SVEP1: variants seen among roughly 807,000 people sequenced by gnomAD.
SVEP1 encodes the protein sushi, von Willebrand factor type A, EGF and pentraxin domain-containing protein 1.
A neutral mutation model predicts 367.3 loss-of-function variants in SVEP1; 164 were observed. The ratio of observed to expected loss-of-function variants is 0.45; its 90% confidence interval spans 0.39 to 0.51. The LOEUF (loss-of-function observed/expected upper bound fraction) is 0.51. Among genes scored for constraint, SVEP1 ranks in the 20% least tolerant of loss-of-function variants. The pLI, the probability that SVEP1 is intolerant of heterozygous loss-of-function variation, is 0.00. For synonymous variants in SVEP1, 1,666 were observed against 1,611.6 expected, an observed-to-expected ratio of 1.03 and a Z score of -0.81; for missense variants, 4,117 against 4,425.3, an observed-to-expected ratio of 0.93 and a Z score of 1.98.
chr9:110,366,434 G>T lies in SVEP1; in HGVS notation c.*105C>A. Reference sequence around the variant, plus strand: ...CCCAAGTAACAAGTTTACTAAACAAGACCCAGCACCATGTTGGACTTTCTT... The same window carrying T: ...CCCAAGTAACAAGTTTACTAAACAATACCCAGCACCATGTTGGACTTTCTT... On this transcript the variant is annotated 3_prime_UTR_variant, in exon 48 of 48. Transcript: ENST00000374469. 8.6e-7 allele frequency: 1 copy of T among 1,159,604 alleles called. No homozygotes were observed. Among genetic ancestry groups the T allele is most frequent in the Non-Finnish European group, 1.1e-6 (1 of 871,902 alleles). The allele number at this position is 1,159,604 out of a possible 1,614,324, so 71.8% of individuals were successfully genotyped here.
rs985700063 is a variant in SVEP1 at position 110,370,003 on chromosome 9, A to G, written c.10614T>C (p.Ser3538=). ...GSRCHTAVCQ[S]PCLNGGKCVR... is the part of the protein sequence containing the mutation. ...CACATTTTCCACCATTTAAGCAGGG[A>G]GACTGGCAAACAGCTGGAATAAAAA... Residue 3538 remains serine, a synonymous_variant, in exon 47 of 48, where the codon TCT becomes TCC. Transcript: ENST00000374469. 1.1e-5 allele frequency: 18 copies of G among 1,612,974 alleles called. No homozygotes were observed. Among genetic ancestry groups the G allele is most frequent in the Non-Finnish European group, 1.4e-5 (16 of 1,179,438 alleles).
At position 110,451,343 on chromosome 9, in the gene SVEP1, T is replaced by C; in HGVS notation, c.3847A>G (p.Ile1283Val). The C allele has an allele frequency of 6.2e-7, 1 of 1,613,826 alleles. No individual in the cohort carries two copies. The highest frequency in any genetic ancestry group is 1.1e-5 in the South Asian group (1 of 91,080). The change falls in exon 23 of 48, where the codon ATC becomes GTC. Residue 1283 changes from isoleucine to valine, a missense_variant. By Grantham distance (29) the Ile-to-Val change is conservative. Coordinates refer to ENST00000374469, the MANE Select transcript of SVEP1 (RefSeq NM_153366.4). ...CSSSPCLNKGICVDGVAGYRC... is the reference protein window; with the variant it reads ...CSSSPCLNKGVCVDGVAGYRC... ...TAGCCAGCCACACCATCAACACAGA[T>C]TCCTTTATTTAAACAAGGACTGGAG...
chr9:110,543,163 G>T (rs1830174728), intron 3 of SVEP1, among the ~76,000 whole-genome samples: 1 of 151,992 alleles, frequency 6.6e-6, no homozygotes, highest in Non-Finnish European at 1.5e-5. Flanking sequence ...AGAAGCCAGT[G>T]ATCAGTACTG....
intron 2 of SVEP1, 118 bp from the exon 3 acceptor site, chr9:110,546,409 C>G (rs1830221719): frequency 8.6e-7 from 1 of 1,164,214 alleles, no homozygotes; most frequent in Admixed American, 2.5e-5. Context: ...CCCTCTAATT[C>G]CCAACTGCTT....
chr9:110,514,526 A>AAAG (rs1460449706), intron 3 of SVEP1, among the ~76,000 whole-genome samples: 1 of 151,764 alleles, frequency 6.6e-6, no homozygotes, highest in Non-Finnish European at 1.5e-5. Context: ...AAAAAAAAAA[A>AAAG]AAAGAAAGAA....
chr9:110,369,041 T>C (rs905182856), intron 47 of SVEP1, among the ~76,000 whole-genome samples: 1 of 152,220 alleles, frequency 6.6e-6, no homozygotes, highest in Admixed American at 6.5e-5. Flanking sequence ...CCCATTTGTT[T>C]TTAATGAGTC....
At chr9:110,397,304 T>C (rs895196331) in intron 40 of SVEP1, among the ~76,000 whole-genome samples, 1 of 152,256 alleles carries the variant, frequency 6.6e-6, no homozygotes, top group Non-Finnish European at 1.5e-5. Context: ...CACTTCATGC[T>C]AAAAACTCTG....
chr9:110,428,863 GA>G (rs1828302421), intron 35 of SVEP1, among the ~76,000 whole-genome samples: 1 of 152,126 alleles, frequency 6.6e-6, no homozygotes, highest in South Asian at 2.1e-4. Flanking sequence ...TTGAGCTCAA[GA>G]GTTCGAGACT....
intron 45 of SVEP1, among the ~76,000 whole-genome samples, chr9:110,375,873 T>TTTAC (rs1185215047): frequency 6.6e-6 from 1 of 152,224 alleles, no homozygotes; most frequent in African/African-American, 2.4e-5. Flanking sequence ...TGTCTTGAAC[T>TTTAC]AAATGTGAGA....
Position 110,379,499 on chromosome 9 carries a change from G to C in SVEP1, c.10256C>G (p.Pro3419Arg). ...AKCEKISCGP[P>R]AHVENAIARG... ...AGCAATTGCATTTTCTACGTGAGCT[G>C]GTGGACCACATGAGATTTCTACAGG... The change falls in exon 44 of 48, where the codon CCA (proline) becomes CGA (arginine). Residue 3419 changes from proline to arginine, a missense_variant. This residue lies in a region of SVEP1 where 1,765 missense variants were observed against 1,781.1 expected (regional missense o/e 0.99). Transcript: ENST00000374469. 1 of 1,613,490 alleles carries C rather than the reference G, an allele frequency of 6.2e-7. No homozygotes were observed. The highest frequency in any genetic ancestry group is 8.5e-7 in the Non-Finnish European group (1 of 1,179,626).
Position 110,462,073 on chromosome 9 carries a change from T to A in SVEP1, c.3323-2960A>T, listed in dbSNP as rs1468839326. On this transcript the variant is annotated intron_variant, in intron 18 of 47. Coordinates refer to ENST00000374469, the MANE Select transcript of SVEP1 (RefSeq NM_153366.4). ...TATAAAACTTTTGTTTGAGAGAATA[T>A]CTCTGAGTATGTATGAAATGCTGAA... 2.6e-5 allele frequency among the ~76,000 whole-genome samples: 4 copies of A among 152,240 alleles called. No individual in the cohort carries two copies. The South Asian group carries it at 8.3e-4, about 32-fold the overall frequency.
intron 26 of SVEP1, among the ~76,000 whole-genome samples, chr9:110,444,628 A>G (rs1828562443): frequency 6.6e-6 from 1 of 152,236 alleles, no homozygotes; most frequent in South Asian, 2.1e-4. Context: ...TAAGCAGTTT[A>G]AAGTAAAAAG....
At chr9:110,388,336 C>CTTTCAAGAATCTCAA (rs1441948898) in intron 41 of SVEP1, among the ~76,000 whole-genome samples, 1 of 152,044 alleles carries the variant, frequency 6.6e-6, no homozygotes, top group African/African-American at 2.4e-5. Context: ...TAGGATCACC[C>CTTTCAAGAATCTCAA]TTTCAAGAAT....
At chr9:110,368,337 C>T (rs1827228860) in intron 47 of SVEP1, among the ~76,000 whole-genome samples, 2 of 152,176 alleles carry the variant, frequency 1.3e-5, no homozygotes, top group South Asian at 4.1e-4. Flanking sequence ...GCAAGAATTA[C>T]AGTATATACA....
intron 3 of SVEP1, among the ~76,000 whole-genome samples, chr9:110,523,805 A>G (rs181382279): frequency 1.5e-3 from 235 of 152,222 alleles, no homozygotes; most frequent in African/African-American, 5.5e-3. Context: ...TTGAAAAAGA[A>G]GAGCAAAATA....
chr9:110,455,822 G>GAAAA (rs2118627650), intron 21 of SVEP1, 119 bp from the exon 22 acceptor site: 39 of 676,408 alleles, frequency 5.8e-5, no homozygotes, highest in African/African-American at 7.3e-5. Flanking sequence ...TAGTGGTAAA[G>GAAAA]GGTAATATTC....
chr9:110,409,703 A>C (rs1044264271), intron 37 of SVEP1, among the ~76,000 whole-genome samples: 4 of 152,230 alleles, frequency 2.6e-5, no homozygotes, highest in South Asian at 4.1e-4. Flanking sequence ...GGTATGTCTT[A>C]AGAATACTAT....
rs1830160572 is a variant in SVEP1 at position 110,542,231 on chromosome 9, T to C, written c.964+3884A>G. On this transcript the variant is annotated intron_variant, in intron 3 of 47. Coordinates refer to ENST00000374469, the MANE Select transcript of SVEP1 (RefSeq NM_153366.4). ...GATATCTTGGAAATAATATAGGACT[T>C]AGAGAAAAGTGTCTGGGGTTCTTCC... Among the ~76,000 whole-genome samples, 2 of 152,076 alleles carry C rather than the reference T, an allele frequency of 1.3e-5. 1 individual carries two copies. The highest frequency in any genetic ancestry group is 4.1e-4 in the South Asian group (2 of 4,822).
At chr9:110,390,282 T>TACAC (rs1827625995) in intron 40 of SVEP1, among the ~76,000 whole-genome samples, 8 of 42,502 alleles carry the variant, frequency 1.9e-4, no homozygotes, top group Admixed American at 7.2e-4. Context: ...TACTTATATA[T>TACAC]ATACATACTT....
Sources: allele counts gnomAD v4.1 joint callset (sites outside exome capture counted in the v4.1 genomes callset), GRCh38; gene constraint gnomAD v4.1.1; regional missense constraint gnomAD v4.1.1; transcripts MANE v1.5; gene names NCBI Gene and HGNC (gene_info 2026-07-23, HGNC 2026-07-21).